Variants in CAST observed in about 807,000 individuals in gnomAD.
CAST encodes the protein MIR583 host.
A neutral mutation model predicts 119.6 loss-of-function variants in CAST; 76 were observed. That is an observed-to-expected ratio of 0.64 (90% CI 0.53 to 0.77). CAST has a LOEUF of 0.77. CAST is among the 30% of genes least tolerant of loss of function. CAST has a pLI of 0.00. For synonymous variants in CAST, 319 were observed against 331.6 expected, an observed-to-expected ratio of 0.96 and a Z score of 0.41; for missense variants, 953 against 946.5, an observed-to-expected ratio of 1.01 and a Z score of -0.09.
chr5:96,632,263 T>G (rs930673079), intron 1 of CAST, among the ~76,000 whole-genome samples: 1 of 151,644 alleles, frequency 6.6e-6, no homozygotes, highest in Non-Finnish European at 1.5e-5. Flanking sequence ...TCTTATGAGA[T>G]GTATAATTTG....
chr5:96,487,194 A>C, the CAST span, among the ~76,000 whole-genome samples: 1 of 152,118 alleles, frequency 6.6e-6, no homozygotes, highest in Non-Finnish European at 1.5e-5. Flanking sequence ...GGACCTCCCC[A>C]CCCACCACCA....
chr5:96,006,483 G>A, the CAST span, among the ~76,000 whole-genome samples: 1 of 152,166 alleles, frequency 6.6e-6, no homozygotes, highest in Admixed American at 6.5e-5. Flanking sequence ...GGCCCAGGTT[G>A]TGTGCTGTGT....
rs576848325 is a variant in CAST, at chr5:96,675,803, G to A, written c.138+202G>A. 3.8e-5 allele frequency: 18 copies of A among 476,110 alleles called. No individual in the cohort carries two copies. The South Asian group carries it at 6.8e-4, about 18-fold the overall frequency. The allele number at this position is 476,110 out of a possible 1,614,324, so 29.5% of individuals were successfully genotyped here. On this transcript the variant is annotated intron_variant, in intron 2 of 31. Transcript: ENST00000675179. ...AAAATTGTTCCTGGGAATAGAGCCT[G>A]TATGAATACTTTCCCTTTAGTAATA...
chr5:96,079,651 A>G, the CAST span, among the ~76,000 whole-genome samples: 1 of 152,218 alleles, frequency 6.6e-6, no homozygotes, highest in Admixed American at 6.5e-5. Context: ...GGCAACCACT[A>G]CTAATTACTT....
the CAST span, among the ~76,000 whole-genome samples, chr5:96,155,749 C>T: frequency 6.6e-6 from 1 of 152,212 alleles, no homozygotes. Flanking sequence ...TTCTCCCCTC[C>T]CAGCTATGTG....
Position 96,762,357 on chromosome 5 carries a change from A to G in CAST, c.1917A>G (p.Pro639=). Residue 639 remains proline, a synonymous_variant, in exon 25 of 32, where the codon CCA becomes CCG. Transcript: ENST00000675179. ...TPASTTQAGA[P]PRDTSQSDKD... is the part of the protein sequence containing the mutation. ...CTTCAACGACCCAAGCTGGAGCCCC[A>G]CCCCGTGATACCTCGGTAAGCAGCA... The G allele has an allele frequency of 6.3e-7, 1 of 1,596,810 alleles. No homozygotes were observed. The highest frequency in any genetic ancestry group is 8.5e-7 in the Non-Finnish European group (1 of 1,173,584).
the CAST span, among the ~76,000 whole-genome samples, chr5:96,152,906 C>T: frequency 2.0e-5 from 3 of 152,174 alleles, no homozygotes; most frequent in Non-Finnish European, 4.4e-5. Context: ...GGCTGCCTGA[C>T]ACACAGAAAG....
the CAST span, among the ~76,000 whole-genome samples, chr5:96,336,217 C>A: frequency 6.6e-6 from 1 of 152,168 alleles, no homozygotes; most frequent in Non-Finnish European, 1.5e-5. Context: ...AACTCTCAAC[C>A]GGCAGTAGTT....
At chr5:96,130,958 G>A in the CAST span, among the ~76,000 whole-genome samples, 1 of 152,060 alleles carries the variant, frequency 6.6e-6, no homozygotes, top group Non-Finnish European at 1.5e-5. Context: ...CTTTTACAAA[G>A]TATGAATAAT....
the CAST span, among the ~76,000 whole-genome samples, chr5:96,143,687 C>A: frequency 3.9e-5 from 6 of 152,078 alleles, no homozygotes; most frequent in Non-Finnish European, 5.9e-5. Context: ...CTCTATAAAC[C>A]TCAGATTTTT....
the CAST span, among the ~76,000 whole-genome samples, chr5:96,106,435 T>C: frequency 6.6e-6 from 1 of 152,208 alleles, no homozygotes; most frequent in East Asian, 1.9e-4. Context: ...TTTGTTCTTG[T>C]TGGTTTCAAA....
the CAST span, chr5:96,410,946 C>T: frequency 4.3e-6 from 7 of 1,613,992 alleles, no homozygotes; most frequent in Non-Finnish European, 3.4e-6. Context: ...CCCCCCGTTT[C>T]CCGAAGCCCA....
intron 1 of CAST, among the ~76,000 whole-genome samples, chr5:96,648,336 G>A (rs938934420): frequency 6.6e-6 from 1 of 152,030 alleles, no homozygotes; most frequent in Non-Finnish European, 1.5e-5. Flanking sequence ...GACTGTGAAT[G>A]CTTTATATTG....
At chr5:96,689,601 T>C (rs1396288631) in intron 2 of CAST, among the ~76,000 whole-genome samples, 1 of 152,208 alleles carries the variant, frequency 6.6e-6, no homozygotes, top group Non-Finnish European at 1.5e-5. Flanking sequence ...AGCACACACA[T>C]GCGCCTTATG....
the CAST span, among the ~76,000 whole-genome samples, chr5:96,106,542 A>T: frequency 4.0e-5 from 6 of 150,094 alleles, no homozygotes; most frequent in Non-Finnish European, 5.9e-5. Context: ...TTTGAGTGAG[A>T]TTCTTAATCC....
At chr5:96,529,441 T>C (rs1745652531), upstream of CAST, among the ~76,000 whole-genome samples, 1 of 152,016 alleles carries the variant, frequency 6.6e-6, no homozygotes, top group Admixed American at 6.6e-5. Context: ...AGATAAAAAT[T>C]GTACATTTTA....
intron 1 of CAST, among the ~76,000 whole-genome samples, chr5:96,607,725 AC>A (rs1392427142): frequency 6.6e-6 from 1 of 151,510 alleles, no homozygotes; most frequent in East Asian, 1.9e-4. Context: ...TGGTCTGGCC[AC>A]GATGCTCTTC....
At chr5:96,162,637 C>G in the CAST span, among the ~76,000 whole-genome samples, 1 of 152,092 alleles carries the variant, frequency 6.6e-6, no homozygotes, top group African/African-American at 2.4e-5. Flanking sequence ...AGGCTGATCT[C>G]GAACTCCTGA....
chr5:96,621,306 T>C (rs1187880203), intron 1 of CAST, among the ~76,000 whole-genome samples: 1 of 152,216 alleles, frequency 6.6e-6, no homozygotes, highest in Non-Finnish European at 1.5e-5. Flanking sequence ...TATAAAATCA[T>C]AGCAATTTAA....
Sources: allele counts gnomAD v4.1 joint callset (sites outside exome capture counted in the v4.1 genomes callset), GRCh38; gene constraint gnomAD v4.1.1; transcripts MANE v1.5; gene names NCBI Gene and HGNC (gene_info 2026-07-23, HGNC 2026-07-21).